Variants in ADAMTS12 observed in about 807,000 individuals in gnomAD.
ADAMTS12 encodes the protein A disintegrin and metalloproteinase with thrombospondin motifs 12.
Under a neutral mutation model 167.8 loss-of-function variants are expected in ADAMTS12, and 118 were observed. That is an observed-to-expected ratio of 0.70 (90% CI 0.61 to 0.82). ADAMTS12 has a LOEUF of 0.82. Among genes scored for constraint, ADAMTS12 ranks in the 40% least tolerant of loss-of-function variants. The pLI, the probability that ADAMTS12 is intolerant of heterozygous loss-of-function variation, is 0.00. For synonymous variants in ADAMTS12, 704 were observed against 716.9 expected, an observed-to-expected ratio of 0.98 and a Z score of 0.29; for missense variants, 1,916 against 1,998.8, an observed-to-expected ratio of 0.96 and a Z score of 0.79.
At chr5:33,876,479 T>C (rs1359090851) in intron 2 of ADAMTS12, among the ~76,000 whole-genome samples, 1 of 152,162 alleles carries the variant, frequency 6.6e-6, no homozygotes, top group Non-Finnish European at 1.5e-5. Flanking sequence ...TACATCCAGC[T>C]AATTTTTTAC....
intron 3 of ADAMTS12, among the ~76,000 whole-genome samples, chr5:33,717,864 T>C (rs763108520): frequency 6.6e-6 from 1 of 152,206 alleles, no homozygotes; most frequent in Non-Finnish European, 1.5e-5. Context: ...GAATTTGCAA[T>C]AGTAAGAAAA....
At chr5:33,844,113 T>G (rs1344254063) in intron 2 of ADAMTS12, among the ~76,000 whole-genome samples, 3 of 152,208 alleles carry the variant, frequency 2.0e-5, no homozygotes, top group African/African-American at 7.2e-5. Flanking sequence ...CTGTCTTTAA[T>G]CTCTTAATCC....
chr5:33,750,192 T>C (rs1049288453), intron 3 of ADAMTS12, among the ~76,000 whole-genome samples: 3 of 152,226 alleles, frequency 2.0e-5, no homozygotes, highest in Non-Finnish European at 4.4e-5. Context: ...TCATCCCTTT[T>C]CTTGGTACTT....
chr5:33,652,579 G>T (rs1740904543), intron 7 of ADAMTS12, among the ~76,000 whole-genome samples: 1 of 152,060 alleles, frequency 6.6e-6, no homozygotes, highest in Non-Finnish European at 1.5e-5. Context: ...TCTGTGGGTT[G>T]TCTGTTTACT....
intron 2 of ADAMTS12, among the ~76,000 whole-genome samples, chr5:33,820,853 T>C (rs1056904428): frequency 2.0e-5 from 3 of 152,158 alleles, no homozygotes; most frequent in African/African-American, 7.2e-5. Context: ...CTGTTATCCT[T>C]AGCAAAGTAA....
At chr5:33,760,298 G>C (rs908774420) in intron 2 of ADAMTS12, among the ~76,000 whole-genome samples, 14 of 151,436 alleles carry the variant, frequency 9.2e-5, no homozygotes, top group African/African-American at 3.4e-4. Flanking sequence ...ATTGCAGTTT[G>C]TAAAGACTAT....
At chr5:33,680,663 T>C (rs1579830341) in intron 5 of ADAMTS12, among the ~76,000 whole-genome samples, 2 of 152,304 alleles carry the variant, frequency 1.3e-5, no homozygotes. Flanking sequence ...CATACAAATA[T>C]ACAATGAGCA....
chr5:33,570,007 C>T (rs562056098), intron 19 of ADAMTS12, among the ~76,000 whole-genome samples: 203 of 151,600 alleles, frequency 1.3e-3, no homozygotes, highest in Non-Finnish European at 2.3e-3. Flanking sequence ...TGATGGAAGA[C>T]GAAATGAATG....
intron 16 of ADAMTS12, among the ~76,000 whole-genome samples, chr5:33,609,281 T>G (rs562962754): frequency 4.0e-5 from 6 of 151,836 alleles, no homozygotes; most frequent in South Asian, 4.2e-4. Flanking sequence ...TATCTACATA[T>G]AGGATAGAAA....
At chr5:33,852,949 C>G (rs1336878376) in intron 2 of ADAMTS12, among the ~76,000 whole-genome samples, 1 of 152,184 alleles carries the variant, frequency 6.6e-6, no homozygotes, top group African/African-American at 2.4e-5. Flanking sequence ...TTCATTTAGT[C>G]AGGGGTCTAG....
intron 3 of ADAMTS12, among the ~76,000 whole-genome samples, chr5:33,696,599 T>G (rs1205150881): frequency 6.6e-6 from 1 of 152,032 alleles, no homozygotes; most frequent in Non-Finnish European, 1.5e-5. Context: ...TAATTAGAGA[T>G]GGAGTTCAGG....
chr5:33,528,766 G>A (rs1743944982), intron 23 of ADAMTS12, among the ~76,000 whole-genome samples: 1 of 152,196 alleles, frequency 6.6e-6, no homozygotes, highest in African/African-American at 2.4e-5. Context: ...ATGCTTCCGG[G>A]CCGGGCATGG....
chr5:33,815,807 A>G (rs1194633999), intron 2 of ADAMTS12, among the ~76,000 whole-genome samples: 1 of 152,192 alleles, frequency 6.6e-6, no homozygotes, highest in Admixed American at 6.6e-5. Context: ...CTAACTATCC[A>G]GGAAGGATTC....
intron 19 of ADAMTS12, among the ~76,000 whole-genome samples, chr5:33,562,129 C>G (rs139078871): frequency 6.6e-6 from 1 of 152,260 alleles, no homozygotes; most frequent in Non-Finnish European, 1.5e-5. Context: ...GATTCTGATT[C>G]AGTAGGTCTG....
At chr5:33,880,988 G>T in intron 2 of ADAMTS12, 131 bp downstream of exon 2, 1 of 1,358,682 alleles carries the variant, frequency 7.4e-7, no homozygotes, top group Non-Finnish European at 9.9e-7. Flanking sequence ...CACTTTGGAG[G>T]CCAGGATCAT....
At chr5:33,593,422 G>A (rs1469396692) in intron 17 of ADAMTS12, among the ~76,000 whole-genome samples, 5 of 152,122 alleles carry the variant, frequency 3.3e-5, no homozygotes, top group African/African-American at 9.7e-5. Flanking sequence ...AAGTGACCTA[G>A]GAAAATTTTG....
At chr5:33,788,371 G>A (rs1579936408) in intron 2 of ADAMTS12, among the ~76,000 whole-genome samples, 1 of 151,746 alleles carries the variant, frequency 6.6e-6, no homozygotes, top group Admixed American at 6.6e-5. Context: ...TGGAATCATA[G>A]GCAAATGTAC....
intron 2 of ADAMTS12, among the ~76,000 whole-genome samples, chr5:33,840,834 G>A (rs1748722549): frequency 6.6e-6 from 1 of 152,224 alleles, no homozygotes; most frequent in Admixed American, 6.5e-5. Flanking sequence ...TTGGTTTAGT[G>A]CAGTGCTAAT....
intron 5 of ADAMTS12, among the ~76,000 whole-genome samples, chr5:33,669,655 TA>T (rs1234368217): frequency 6.6e-6 from 1 of 151,518 alleles, no homozygotes; most frequent in Non-Finnish European, 1.5e-5. Context: ...GGTGTAGTAT[TA>T]AAAAAAAGGC....
Sources: allele counts gnomAD v4.1 joint callset (sites outside exome capture counted in the v4.1 genomes callset), GRCh38; gene constraint gnomAD v4.1.1; transcripts MANE v1.5; gene names NCBI Gene and HGNC (gene_info 2026-07-23, HGNC 2026-07-21).